Variants in TBXAS1 observed in about 807,000 individuals in gnomAD.
The protein encoded by TBXAS1 is thromboxane A synthase 1.
TBXAS1 carries 48 observed loss-of-function variants against 60.7 expected under a neutral mutation model. The ratio of observed to expected loss-of-function variants is 0.79; its 90% CI spans 0.63 to 1.01. The LOEUF (loss-of-function observed/expected upper bound fraction) is 1.01. Ranked by LOEUF, TBXAS1 falls within the 50% of genes least tolerant of loss-of-function variation. TBXAS1 has a pLI of 0.00. For missense variants in TBXAS1, 685 were observed against 686.3 expected (o/e 1.00, Z 0.02); for synonymous variants, 287 against 269.7 (o/e 1.06, Z -0.63).
intron 4 of TBXAS1, among the ~76,000 whole-genome samples, chr7:139,805,457 T>C (rs953441672): frequency 1.3e-5 from 2 of 152,206 alleles, no homozygotes; most frequent in Admixed American, 1.3e-4. Context: ...CTCAGTGGGC[T>C]CAACCTGAGG....
chr7:139,955,679 G>A, intron 7 of TBXAS1, 72 bp downstream of exon 7: 1 of 1,593,328 alleles, frequency 6.3e-7, no homozygotes, highest in African/African-American at 1.3e-5. Flanking sequence ...CACCTGGGGT[G>A]GCTTCTGGGG....
intron 1 of TBXAS1, among the ~76,000 whole-genome samples, chr7:139,836,862 G>A (rs997336831): frequency 2.6e-5 from 4 of 152,118 alleles, no homozygotes; most frequent in Non-Finnish European, 4.4e-5. Context: ...GGAACAGTCA[G>A]CAGAGTAAAC....
chr7:139,847,736 A>G (rs1406673473), intron 1 of TBXAS1, among the ~76,000 whole-genome samples: 1 of 152,224 alleles, frequency 6.6e-6, no homozygotes, highest in African/African-American at 2.4e-5. Flanking sequence ...GCTTTCTTCA[A>G]GGCCACCATT....
chr7:139,816,502 C>G (rs111413031), intron 4 of TBXAS1, among the ~76,000 whole-genome samples: 1 of 152,186 alleles, frequency 6.6e-6, no homozygotes, highest in African/African-American at 2.4e-5. Flanking sequence ...AGGGTGTGGG[C>G]TTTAGAATTT....
intron 4 of TBXAS1, among the ~76,000 whole-genome samples, chr7:139,923,477 G>A (rs190336695): frequency 6.5e-4 from 99 of 151,854 alleles, no homozygotes; most frequent in Non-Finnish European, 9.9e-4. Context: ...TATATAGTAG[G>A]TGTATACATT....
intron 4 of TBXAS1, among the ~76,000 whole-genome samples, chr7:139,823,820 G>C (rs2116451125): frequency 6.6e-6 from 1 of 152,322 alleles, no homozygotes; most frequent in African/African-American, 2.4e-5. Flanking sequence ...GGAATGAAAA[G>C]TATTGGTCAC....
chr7:139,827,987 C>T (rs1342975321), upstream of TBXAS1, among the ~76,000 whole-genome samples: 1 of 152,158 alleles, frequency 6.6e-6, no homozygotes, highest in Non-Finnish European at 1.5e-5. Flanking sequence ...AATGAATTTC[C>T]CATGTGTTCT....
At chr7:139,995,001 G>A (rs1813192806) in intron 9 of TBXAS1, among the ~76,000 whole-genome samples, 1 of 152,218 alleles carries the variant, frequency 6.6e-6, no homozygotes, top group South Asian at 2.1e-4. Flanking sequence ...CTAGAATGGT[G>A]AGCAGAGCTG....
chr7:139,982,115 G>T (rs988958452), intron 9 of TBXAS1, among the ~76,000 whole-genome samples: 5 of 152,144 alleles, frequency 3.3e-5, no homozygotes, highest in Non-Finnish European at 5.9e-5. Flanking sequence ...GGTTAAATTT[G>T]AATCTCAGAT....
intron 9 of TBXAS1, among the ~76,000 whole-genome samples, chr7:139,987,779 T>A (rs1457217106): frequency 6.6e-6 from 1 of 152,220 alleles, no homozygotes; most frequent in African/African-American, 2.4e-5. Flanking sequence ...TTGTCTTAAA[T>A]CTGTATTATG....
chr7:140,008,127 C>T (rs2116396383), intron 10 of TBXAS1, among the ~76,000 whole-genome samples: 1 of 152,354 alleles, frequency 6.6e-6, no homozygotes, highest in South Asian at 2.1e-4. Context: ...AAATACCTTT[C>T]ACCATTTTTA....
intron 1 of TBXAS1, among the ~76,000 whole-genome samples, chr7:139,842,678 G>C (rs1799533123): frequency 6.6e-6 from 1 of 152,244 alleles, no homozygotes; most frequent in African/African-American, 2.4e-5. Context: ...ATAGGGTAGG[G>C]GGGTGTTAGC....
intron 9 of TBXAS1, among the ~76,000 whole-genome samples, chr7:139,978,692 C>A (rs1379976586): frequency 1.3e-5 from 2 of 148,948 alleles, no homozygotes; most frequent in African/African-American, 5.0e-5. Context: ...AATCCCAGCA[C>A]TTTGGGAGGC....
At chr7:139,844,051 A>T (rs1467700500) in intron 1 of TBXAS1, among the ~76,000 whole-genome samples, 1 of 152,264 alleles carries the variant, frequency 6.6e-6, no homozygotes, top group African/African-American at 2.4e-5. Context: ...TAACATTCCC[A>T]TGAATTCAGA....
intron 4 of TBXAS1, among the ~76,000 whole-genome samples, chr7:139,926,179 G>A (rs976813057): frequency 1.3e-5 from 2 of 152,104 alleles, no homozygotes. Flanking sequence ...GACTTTGGAA[G>A]CATTCCCTTC....
intron 3 of TBXAS1, among the ~76,000 whole-genome samples, chr7:139,899,431 C>T (rs763757802): frequency 1.3e-5 from 2 of 152,236 alleles, no homozygotes; most frequent in South Asian, 2.1e-4. Context: ...TCCCAGAAGG[C>T]GGCTGTGAAC....
rs1053581787 is a variant in TBXAS1 at position 140,019,661 on chromosome 7, G to T, written c.1528-364G>T. On this transcript the variant is annotated intron_variant, in intron 12 of 12. Transcript: ENST00000448866. The stretch of plus-strand genomic sequence containing the variant: ...ACCCAACTCCTCGAGTAATTCTTTG[G>T]TTTTTCTTCAAAGTCCCCAGTCCAC... Among the ~76,000 whole-genome samples the T allele has an allele frequency of 2.0e-5, 3 of 152,292 alleles. No individual in the cohort carries two copies. The East Asian group carries it at 5.8e-4, about 29-fold the overall frequency.
intron 4 of TBXAS1, among the ~76,000 whole-genome samples, chr7:139,809,241 A>AGATAGATAGAT (rs1569493096): frequency 1.4e-3 from 66 of 48,666 alleles, no homozygotes; most frequent in Non-Finnish European, 2.2e-3. Context: ...GATGATAGAT[A>AGATAGATAGAT]GATAGATAGA....
At chr7:139,970,132 G>A (rs569350831) in intron 9 of TBXAS1, among the ~76,000 whole-genome samples, 2 of 152,152 alleles carry the variant, frequency 1.3e-5, no homozygotes, top group African/African-American at 4.8e-5. Context: ...TTTATGAGAC[G>A]GAGTCTCACT....
Sources: allele counts gnomAD v4.1 joint callset (sites outside exome capture counted in the v4.1 genomes callset), GRCh38; gene constraint gnomAD v4.1.1; transcripts MANE v1.5; gene names NCBI Gene and HGNC (gene_info 2026-07-23, HGNC 2026-07-21).